Variants in EPHB2 observed in about 807,000 individuals in gnomAD.
EPHB2 encodes ephrin type-B receptor 2.
A neutral mutation model predicts 96.4 loss-of-function variants in EPHB2; 18 were observed. The ratio of observed to expected loss-of-function variants is 0.19; its 90% CI spans 0.13 to 0.28. The LOEUF (loss-of-function observed/expected upper bound fraction) is 0.28. EPHB2 is among the 10% of genes least tolerant of loss of function. EPHB2 has a pLI of 1.00. For synonymous variants in EPHB2, 506 were observed against 534.1 expected (o/e 0.95, Z 0.72); for missense variants, 989 against 1,355.4 (o/e 0.73, Z 4.25).
In EPHB2 at chr1:22,820,220, G is replaced by T. The variant is rs568293332; in HGVS notation, c.811+35144G>T. 2.0e-5 allele frequency among the ~76,000 whole-genome samples: 3 copies of T among 152,182 alleles called. No homozygotes were observed. The East Asian group carries it at 5.9e-4, about 30-fold the overall frequency. On this transcript the variant is annotated intron_variant, in intron 3 of 15. Transcript: ENST00000374630. ...GTCTTTCTGGCATTGAAGCCTCGGT[G>T]TTCCCATTCTTACATGTGTCATCCC...
chr1:22,833,528 A>G (rs1000591350), intron 3 of EPHB2, among the ~76,000 whole-genome samples: 3 of 152,236 alleles, frequency 2.0e-5, no homozygotes, highest in Admixed American at 6.5e-5. Context: ...TGGGAGGTAG[A>G]TAGGGATAGC....
chr1:22,763,409 C>T (rs1260952742), intron 1 of EPHB2, among the ~76,000 whole-genome samples: 2 of 152,164 alleles, frequency 1.3e-5, no homozygotes, highest in East Asian at 3.9e-4. Flanking sequence ...CTGGGCCCAC[C>T]AGGGCCCAGT....
chr1:22,822,605 G>T (rs1645167419), intron 3 of EPHB2, among the ~76,000 whole-genome samples: 1 of 152,238 alleles, frequency 6.6e-6, no homozygotes, highest in African/African-American at 2.4e-5. Context: ...ACCTTGCCCT[G>T]ATGGGATACG....
rs553964133 is a variant in EPHB2 at position 22,795,771 on chromosome 1, C to T, written c.811+10695C>T. Among the ~76,000 whole-genome samples, 97 of 152,224 alleles carry T rather than the reference C, an allele frequency of 6.4e-4. No individual in the cohort carries two copies. The South Asian group carries it at 9.8e-3, about 15-fold the overall frequency. On this transcript the variant is annotated intron_variant, in intron 3 of 15. Coordinates refer to ENST00000374630, the MANE Select transcript of EPHB2 (RefSeq NM_017449.5). The stretch of plus-strand genomic sequence containing the variant: ...CCCATATACTTTGTCAGGCAGAAGC[C>T]GGGACTAGAACCCAGTGCTGCAGGC...
chr1:22,723,552 T>C (rs563546417), intron 1 of EPHB2, among the ~76,000 whole-genome samples: 1 of 152,322 alleles, frequency 6.6e-6, no homozygotes, highest in South Asian at 2.1e-4. Flanking sequence ...ACCAGCCCCT[T>C]CTGGAGTTGA....
intron 3 of EPHB2, among the ~76,000 whole-genome samples, chr1:22,813,088 CTG>C (rs1333119543): frequency 1.3e-5 from 2 of 152,282 alleles, no homozygotes; most frequent in East Asian, 3.9e-4. Flanking sequence ...GTATCATACT[CTG>C]TTATAATTCT....
At chr1:22,807,617 C>G (rs1289900780) in intron 3 of EPHB2, among the ~76,000 whole-genome samples, 1 of 152,186 alleles carries the variant, frequency 6.6e-6, no homozygotes, top group Non-Finnish European at 1.5e-5. Context: ...CATCCATGCC[C>G]TCCAGATGCT....
intron 9 of EPHB2, among the ~76,000 whole-genome samples, chr1:22,900,069 G>C (rs1340852471): frequency 6.6e-6 from 1 of 152,016 alleles, no homozygotes; most frequent in Non-Finnish European, 1.5e-5. Context: ...CAAGGCGGGT[G>C]GATTACCTGA....
intron 3 of EPHB2, among the ~76,000 whole-genome samples, chr1:22,813,271 A>G (rs1645027823): frequency 6.6e-6 from 1 of 151,972 alleles, no homozygotes; most frequent in South Asian, 2.1e-4. Flanking sequence ...CAGAATTCAC[A>G]CTCTGGGTAT....
intron 3 of EPHB2, among the ~76,000 whole-genome samples, chr1:22,854,384 C>T (rs1645669577): frequency 6.6e-6 from 1 of 152,134 alleles, no homozygotes; most frequent in African/African-American, 2.4e-5. Flanking sequence ...TGGTGGTGTG[C>T]ACCTGTAGCC....
chr1:22,731,232 G>A (rs902647539), intron 1 of EPHB2, among the ~76,000 whole-genome samples: 5 of 152,134 alleles, frequency 3.3e-5, no homozygotes, highest in Non-Finnish European at 5.9e-5. Context: ...TCATTCTGGC[G>A]GGGGGAATGG....
At position 22,858,676 on chromosome 1, in the gene EPHB2, A is replaced by G. The variant is rs914726633; in HGVS notation, c.812-4361A>G. Among the ~76,000 whole-genome samples the G allele has an allele frequency of 6.6e-6, 1 of 152,108 alleles. No individual in the cohort carries two copies. The highest frequency in any genetic ancestry group is 2.4e-5 in the African/African-American group (1 of 41,432). On this transcript the variant is annotated intron_variant, in intron 3 of 15. Coordinates refer to ENST00000374630, the MANE Select transcript of EPHB2 (RefSeq NM_017449.5). This position sits in a 1 kb window ranked among gnomAD's most constrained non-coding sequence, Gnocchi z 7.7. ...TTGGGAGTGGTGTGGCCCCCCGGGCACTGTGGGCAGTGGCCACCCAGACCT... is the reference window on the plus strand; with the variant it reads ...TTGGGAGTGGTGTGGCCCCCCGGGCGCTGTGGGCAGTGGCCACCCAGACCT...
chr1:22,798,729 T>G (rs1644801557), intron 3 of EPHB2, among the ~76,000 whole-genome samples: 1 of 152,086 alleles, frequency 6.6e-6, no homozygotes, highest in Non-Finnish European at 1.5e-5. Context: ...GGTTACGTCC[T>G]TTTCCTGAGC....
intron 1 of EPHB2, among the ~76,000 whole-genome samples, chr1:22,758,690 C>T (rs1036690730): frequency 6.6e-6 from 1 of 151,724 alleles, no homozygotes; most frequent in Non-Finnish European, 1.5e-5. Flanking sequence ...CTTTCTAGGC[C>T]TCAGTTTCCC....
Position 22,906,571 on chromosome 1 carries a change from T to A in EPHB2, c.1889-139T>A. On this transcript the variant is annotated intron_variant, in intron 10 of 15. Coordinates refer to ENST00000374630, the MANE Select transcript of EPHB2 (RefSeq NM_017449.5). This position sits in a 1 kb window ranked among gnomAD's most constrained non-coding sequence, Gnocchi z 4.8. ...TGGACCCCTGACATTCTTGAAGGGGTTCTGTGTCTGCAAGGATGAGTGGGC... is the reference window on the plus strand; with the variant it reads ...TGGACCCCTGACATTCTTGAAGGGGATCTGTGTCTGCAAGGATGAGTGGGC... 1.5e-6 allele frequency: 2 copies of A among 1,341,762 alleles called. No individual in the cohort carries two copies. The highest frequency in any genetic ancestry group is 1.0e-6 in the Non-Finnish European group (1 of 976,342). 83.1% of individuals were successfully genotyped at this position (1,341,762 alleles called of 1,614,324 possible).
At chr1:22,901,894 C>T (rs900559582) in intron 9 of EPHB2, among the ~76,000 whole-genome samples, 7 of 151,930 alleles carry the variant, frequency 4.6e-5, no homozygotes, top group Admixed American at 1.3e-4. Flanking sequence ...GGCACAAACA[C>T]GGCTTACTGC....
chr1:22,842,266 G>C (rs1180314432), intron 3 of EPHB2, among the ~76,000 whole-genome samples: 3 of 152,270 alleles, frequency 2.0e-5, no homozygotes, highest in Admixed American at 6.5e-5. Context: ...TCCTTGCAGA[G>C]AGGCGGTGCT....
At position 22,842,377 on chromosome 1, in the gene EPHB2, G is replaced by A. The variant is rs754557655; in HGVS notation, c.812-20660G>A. Among the ~76,000 whole-genome samples the A allele has an allele frequency of 6.3e-4, 96 of 152,086 alleles. 1 individual carries two copies. Among genetic ancestry groups the A allele is most frequent in the Non-Finnish European group, 9.1e-4 (62 of 68,000 alleles). ...CCTCGCATTCGCGTGGGGTGTTACC[G>A]AAGGCTGAAGAACTTACTTATGGGT... On this transcript the variant is annotated intron_variant, in intron 3 of 15. Coordinates refer to ENST00000374630, the MANE Select transcript of EPHB2 (RefSeq NM_017449.5).
At position 22,860,210 on chromosome 1, in the gene EPHB2, G is replaced by A. The variant is rs1645772586; in HGVS notation, c.812-2827G>A. ...AGTTTGGAGAGTGGGTGGGTGGGAG[G>A]AGGCCAGATGGCGTGAGAGGCTGAG... On this transcript the variant is annotated intron_variant, in intron 3 of 15. Coordinates refer to ENST00000374630, the MANE Select transcript of EPHB2 (RefSeq NM_017449.5). This position sits in a 1 kb window ranked among gnomAD's most constrained non-coding sequence, Gnocchi z 4.6. Among the ~76,000 whole-genome samples the A allele has an allele frequency of 6.6e-6, 1 of 152,136 alleles. No homozygotes were observed. Among genetic ancestry groups the A allele is most frequent in the Non-Finnish European group, 1.5e-5 (1 of 68,036 alleles).
Sources: gnomAD v4.1 joint callset for allele counts (sites outside exome capture counted in the v4.1 genomes callset) on GRCh38, gnomAD v4.1.1 for gene constraint, Gnocchi (gnomAD v3.1) non-coding constraint, MANE v1.5 for transcripts, NCBI Gene and HGNC (gene_info 2026-07-23, HGNC 2026-07-21) for gene names.